Variants in KIF1C observed in about 807,000 individuals in gnomAD.
KIF1C encodes kinesin family member 1C.
Under a neutral mutation model 126.5 loss-of-function variants are expected in KIF1C, and 61 were observed. That is an observed-to-expected ratio of 0.48 (90% CI 0.39 to 0.60). KIF1C has a LOEUF of 0.60. Among genes scored for constraint, KIF1C ranks in the 20% least tolerant of loss-of-function variants. The pLI is 0.00. For synonymous variants in KIF1C, 640 were observed against 580.6 expected (o/e 1.10, Z -1.47); for missense variants, 1,315 against 1,489.2 (o/e 0.88, Z 1.93).
At chr17:5,017,288 T>C (rs1974990660) in intron 18 of KIF1C, among the ~76,000 whole-genome samples, 2 of 146,420 alleles carry the variant, frequency 1.4e-5, no homozygotes. Flanking sequence ...CTGTGGGCCT[T>C]GGTTCTTTTT....
At chr17:5,006,192 C>G (rs1475694009) in intron 13 of KIF1C, among the ~76,000 whole-genome samples, 1 of 151,252 alleles carries the variant, frequency 6.6e-6, no homozygotes, top group Non-Finnish European at 1.5e-5. Context: ...AGCGACAGAG[C>G]AAGACTCCGT....
chr17:5,004,737 G>A, intron 12 of KIF1C, 92 bp downstream of exon 12: 2 of 1,584,264 alleles, frequency 1.3e-6, no homozygotes, highest in Non-Finnish European at 1.7e-6. Context: ...TCGTGAGACG[G>A]GGGAGATGCC....
chr17:5,017,293 CTTTTTTTTT>C (rs34140025), intron 18 of KIF1C, among the ~76,000 whole-genome samples: 5 of 85,210 alleles, frequency 5.9e-5, no homozygotes, highest in Non-Finnish European at 6.5e-5. Flanking sequence ...GGCCTTGGTT[CTTTTTTTTT>C]TTTTTTTTTT....
At position 5,023,466 on chromosome 17, in the gene KIF1C, A is replaced by G. The variant is rs756443721; in HGVS notation, c.2629-2A>G. 1 of 1,612,992 alleles carries G rather than the reference A, an allele frequency of 6.2e-7. No homozygotes were observed. Among genetic ancestry groups the G allele is most frequent in the South Asian group, 1.1e-5 (1 of 91,046 alleles). ...TCTCCTTTTCTCACTCCTCCCTCCC[A>G]GGATCATGAGGATGAGAATGAAGAA... is the stretch of plus-strand genomic sequence containing the variant. On this transcript the variant is annotated splice_acceptor_variant, in intron 22 of 22. Transcript: ENST00000320785. LOFTEE classifies it high-confidence loss of function. The surrounding 1 kb of genome is among the most constrained non-coding windows in gnomAD (Gnocchi z 4.2).
intron 2 of KIF1C, 31 bp from the exon 3 acceptor site, chr17:5,000,189 T>C: frequency 2.3e-6 from 3 of 1,292,472 alleles, no homozygotes; most frequent in Non-Finnish European, 3.3e-6. Flanking sequence ...GCAGTGGTTC[T>C]GACCCCACCA....
At chr17:4,998,978 C>T (rs899886466) in intron 1 of KIF1C, 3 of 152,098 alleles carry the variant, frequency 2.0e-5, no homozygotes, top group Non-Finnish European at 2.9e-5. Flanking sequence ...GGGCTGGCAC[C>T]AGCCAGCCGG....
intron 16 of KIF1C, among the ~76,000 whole-genome samples, chr17:5,012,752 C>G (rs1463688711): frequency 6.6e-6 from 1 of 152,136 alleles, no homozygotes; most frequent in Non-Finnish European, 1.5e-5. Flanking sequence ...GGAAGGGAGA[C>G]TTCCCCAGGC....
chr17:5,010,373 A>G (rs1974834534), intron 16 of KIF1C, among the ~76,000 whole-genome samples: 1 of 152,218 alleles, frequency 6.6e-6, no homozygotes, highest in Non-Finnish European at 1.5e-5. Flanking sequence ...AAAAGGCTAC[A>G]ATGCATAGTC....
chr17:5,020,982 G>A lies in KIF1C; in HGVS notation c.2010+104G>A, dbSNP rs1270972839. The A allele has an allele frequency of 2.0e-6, 2 of 990,356 alleles. No individual in the cohort carries two copies. Among genetic ancestry groups the A allele is most frequent in the Non-Finnish European group, 1.5e-6 (1 of 645,234 alleles). The allele number at this position is 990,356 out of a possible 1,614,324, so 61.3% of individuals were successfully genotyped here. A position where few individuals can be genotyped will look rare whatever the true frequency, so the allele number is the denominator to read the frequency against. On this transcript the variant is annotated intron_variant, in intron 21 of 22. Coordinates refer to ENST00000320785, the MANE Select transcript of KIF1C (RefSeq NM_006612.6). This position sits in a 1 kb window ranked among gnomAD's most constrained non-coding sequence, Gnocchi z 5.8. ...TGAGCCAGAGTGGGAAATGGGCATG[G>A]GGGTAAGGGGAAGGGTCCAAGAGGA...
Position 5,002,502 on chromosome 17 carries a change from C to T in KIF1C, c.468C>T (p.Asp156=), listed in dbSNP as rs144125937. Residue 156 remains aspartate (D), a synonymous_variant, in exon 7 of 23, where the codon GAC becomes GAT. Coordinates refer to ENST00000320785, the MANE Select transcript of KIF1C (RefSeq NM_006612.6). The stretch of plus-strand genomic sequence containing the variant: ...AGATCTACTGTGAGCGGGTACGAGA[C>T]CTCTTGAACCCCAAGAGTCGGGGTT... ...YMEIYCERVR[D]LLNPKSRGSL... 1.6e-5 allele frequency: 25 copies of T among 1,611,600 alleles called. No individual in the cohort carries two copies. The Admixed American group carries it at 1.8e-4, about 12-fold the overall frequency.
In KIF1C at chr17:5,004,010, C is replaced by T. The variant is rs771325468; in HGVS notation, c.877C>T (p.Arg293Ter). The T allele has an allele frequency of 2.5e-6, 4 of 1,613,904 alleles. No homozygotes were observed. The highest frequency in any genetic ancestry group is 3.4e-6 in the Non-Finnish European group (4 of 1,179,886). ...TTTTATCCCCCAGCAATCAAAGAAG[C>T]GAAAGTCGGATTTTATCCCCTACAG... is the stretch of plus-strand genomic sequence containing the variant. ...SALADMQSKK[R>*]KSDFIPYRDS... The change falls in exon 11 of 23, where the codon CGA becomes TGA. Residue 293 changes from arginine to a stop codon, truncating the protein, a stop_gained. Coordinates refer to ENST00000320785, the MANE Select transcript of KIF1C (RefSeq NM_006612.6). LOFTEE classifies it high-confidence loss of function.
At position 5,023,911 on chromosome 17, in the gene KIF1C, A is replaced by C. The variant is rs1427742483; in HGVS notation, c.3072A>C (p.Arg1024=). The change falls in exon 23 of 23, where the codon CGA becomes CGC. Residue 1024 remains arginine, a synonymous_variant. Transcript: ENST00000320785. The surrounding 1 kb of genome is among the most constrained non-coding windows in gnomAD (Gnocchi z 4.2). ...CTGCCCGCCGGCCTCCGAGTCCCCG[A>C]AGGTCCCACCATCCCCGCAGGAACT... is the stretch of plus-strand genomic sequence containing the variant. The part of the protein sequence containing the change: ...ATPARRPPSP[R]RSHHPRRNSL... 1.3e-6 allele frequency: 2 copies of C among 1,558,760 alleles called. No homozygotes were observed. The highest frequency in any genetic ancestry group is 4.5e-5 in the East Asian group (2 of 44,088).
rs765456094 is a variant in KIF1C, at chr17:5,001,392, C to T, written c.354C>T (p.Ile118=). 1.2e-6 allele frequency: 2 copies of T among 1,613,900 alleles called. No homozygotes were observed. The highest frequency in any genetic ancestry group is 1.7e-5 in the Admixed American group (1 of 60,014). The change falls in exon 5 of 23, where the codon ATC becomes ATT. Residue 118 remains isoleucine, a synonymous_variant. Transcript: ENST00000320785. The part of the protein sequence containing the change: ...MGRQEPGQQG[I]VPQLCEDLFS... ...GACAGGAGCCAGGGCAGCAGGGCAT[C>T]GTGCCCCAGGTACGCCTAGGACCTG...
Position 5,022,724 on chromosome 17 carries a change from C to T in KIF1C, c.2628+15C>T, listed in dbSNP as rs1457373139. ...CCCTGGCCCAGGTAGGACTGGCCTT[C>T]TGCCTCCCTTCTCTCCTCCCTCGGC... is the stretch of plus-strand genomic sequence containing the variant. On this transcript the variant is annotated intron_variant, in intron 22 of 22. Transcript: ENST00000320785. The surrounding 1 kb of genome is among the most constrained non-coding windows in gnomAD (Gnocchi z 4.9). 1.3e-6 allele frequency: 2 copies of T among 1,506,976 alleles called. No individual in the cohort carries two copies. Among genetic ancestry groups the T allele is most frequent in the Admixed American group, 4.5e-5 (2 of 44,894 alleles). 93.4% of individuals were successfully genotyped at this position (1,506,976 alleles called of 1,614,324 possible).
rs1975077255 is a variant in KIF1C at position 5,020,944 on chromosome 17, C to T, written c.2010+66C>T. 7.2e-7 allele frequency: 1 copy of T among 1,385,026 alleles called. No homozygotes were observed. The highest frequency in any genetic ancestry group is 1.0e-6 in the Non-Finnish European group (1 of 996,202). 85.8% of individuals were successfully genotyped at this position (1,385,026 alleles called of 1,614,324 possible). ...TGAGCCGCAAGCCTGAGTCCGAGTG[C>T]AGTGCTCACCGCTGAGCCAGAGTGG... On this transcript the variant is annotated intron_variant, in intron 21 of 22. Transcript: ENST00000320785. This position sits in a 1 kb window ranked among gnomAD's most constrained non-coding sequence, Gnocchi z 5.8.
rs776281481 is a variant in KIF1C, at chr17:5,014,746, C to T, written c.1575C>T (p.Val525=). The stretch of plus-strand genomic sequence containing the variant: ...ACGTTGGCCATTGCTTCCCCAGGGT[C>T]GGCCAAGTAGATATGGACATCAAGC... ...LYHIKDGVTR[V]GQVDMDIKLT... The change falls in exon 18 of 23, where the codon GTC becomes GTT. Residue 525 remains valine, a synonymous_variant. Coordinates refer to ENST00000320785, the MANE Select transcript of KIF1C (RefSeq NM_006612.6). The T allele has an allele frequency of 1.3e-5, 21 of 1,588,054 alleles. No homozygotes were observed. Among genetic ancestry groups the T allele is most frequent in the African/African-American group, 4.0e-5 (3 of 74,700 alleles).
rs555757906 is a variant in KIF1C at position 5,020,705 on chromosome 17, A to G, written c.1937+27A>G. 9.6e-5 allele frequency: 154 copies of G among 1,611,696 alleles called. 2 individuals are homozygous for G. The South Asian group carries it at 1.6e-3, about 17-fold the overall frequency. On this transcript the variant is annotated intron_variant, in intron 20 of 22. Coordinates refer to ENST00000320785, the MANE Select transcript of KIF1C (RefSeq NM_006612.6). The surrounding 1 kb of genome is among the most constrained non-coding windows in gnomAD (Gnocchi z 5.8). ...TGCGAGGGGGTTACCCACGTGCCCC[A>G]TGGCCGTCTAGGCCGTCCCTCCCGG... is the stretch of plus-strand genomic sequence containing the variant.
In KIF1C at chr17:5,023,338, G is replaced by C. The variant is rs768419199; in HGVS notation, c.2629-130G>C. 7.4e-5 allele frequency: 56 copies of C among 752,274 alleles called. No individual in the cohort carries two copies. The highest frequency in any genetic ancestry group is 1.1e-4 in the Non-Finnish European group (50 of 460,672). The allele number at this position is 752,274 out of a possible 1,614,324, so 46.6% of individuals were successfully genotyped here. A position where few individuals can be genotyped will look rare whatever the true frequency, so the allele number is the denominator to read the frequency against. On this transcript the variant is annotated intron_variant, in intron 22 of 22. Transcript: ENST00000320785. This position sits in a 1 kb window ranked among gnomAD's most constrained non-coding sequence, Gnocchi z 4.2. ...CCGGCCCTAAACCACTATTTTTCGA[G>C]CTTCCTTATCTCTAGGCTTTTCTCT...
chr17:5,011,929 GTCC>G (rs1169978867), intron 16 of KIF1C: 1 of 152,260 alleles, frequency 6.6e-6, no homozygotes, highest in African/African-American at 2.4e-5. Flanking sequence ...CTTCCATTAA[GTCC>G]TCCTGATCCC....
Sources: gnomAD v4.1 joint callset for allele counts (sites outside exome capture counted in the v4.1 genomes callset) on GRCh38, gnomAD v4.1.1 for gene constraint, Gnocchi (gnomAD v3.1) non-coding constraint, MANE v1.5 for transcripts, NCBI Gene and HGNC (gene_info 2026-07-23, HGNC 2026-07-21) for gene names.